DHRSX: variants seen among roughly 807,000 people sequenced by gnomAD.
DHRSX encodes the protein dehydrogenase/reductase X-linked.
DHRSX carries 31 observed loss-of-function variants against 34.0 expected under a neutral mutation model. That is an observed-to-expected ratio of 0.91 (90% CI 0.69 to 1.23). DHRSX has a LOEUF of 1.23. DHRSX is among the 50% of genes most tolerant of loss of function. The probability of loss-of-function intolerance (pLI) is 0.00; values close to 1 mark genes in which losing one functional copy is unlikely to be tolerated. For missense variants in DHRSX, 414 were observed against 428.1 expected, an observed-to-expected ratio of 0.97 and a Z score of 0.29; for synonymous variants, 201 against 183.8, an observed-to-expected ratio of 1.09 and a Z score of -0.76.
chrX:2,383,602 CA>C (rs1050309245), intron 3 of DHRSX, among the ~76,000 whole-genome samples: 35 of 152,284 alleles, frequency 2.3e-4, no homozygotes, highest in African/African-American at 8.2e-4. Flanking sequence ...CCACAATGCA[CA>C]AAATATTTTC....
intron 1 of DHRSX, among the ~76,000 whole-genome samples, chrX:2,432,169 G>A (rs2043934595): frequency 6.6e-6 from 1 of 151,980 alleles, no homozygotes; most frequent in Non-Finnish European, 1.5e-5. Context: ...ACTCCAGCCA[G>A]GGCGACAGAG....
chrX:2,489,603 CG>C (rs2045066665), intron 1 of DHRSX: 1 of 1,612,510 alleles, frequency 6.2e-7, no homozygotes, highest in South Asian at 1.1e-5. Flanking sequence ...ACCAAGACCC[CG>C]GCGATGACGA....
intron 3 of DHRSX, chrX:2,335,033 A>C (rs1044703925): frequency 6.6e-6 from 1 of 151,858 alleles, no homozygotes; most frequent in Non-Finnish European, 1.5e-5. Flanking sequence ...TGCAAAAAAA[A>C]CTTTAGCTGG....
intron 1 of DHRSX, among the ~76,000 whole-genome samples, chrX:2,498,627 A>G (rs2045340601): frequency 7.4e-6 from 1 of 135,858 alleles, no homozygotes; most frequent in African/African-American, 2.6e-5. Flanking sequence ...GTAAATGGGA[A>G]AAAAAAAAAA....
intron 3 of DHRSX, among the ~76,000 whole-genome samples, chrX:2,342,086 G>A (rs190898001): frequency 5.3e-4 from 81 of 152,214 alleles, no homozygotes; most frequent in Non-Finnish European, 1.0e-3. Context: ...GATTACAGGC[G>A]TGAGCCACCT....
Position 2,485,780 on chromosome X carries a change from A to AG in DHRSX, c.109+15036_109+15037insC, listed in dbSNP as rs779305404. ...GAAGGGAGAGAAGGAAGGAAGGGAG[A>AG]AAAGGGAGAGAAGGGAGAGAAGGAA... On this transcript the variant is annotated intron_variant, in intron 1 of 6. Coordinates refer to ENST00000334651, the MANE Select transcript of DHRSX (RefSeq NM_145177.3). Among the ~76,000 whole-genome samples the AG allele has an allele frequency of 1.4e-3, 25 of 18,150 alleles. No individual in the cohort carries two copies. The South Asian group carries it at 0.019, about 14-fold the overall frequency. 11.9% of individuals were successfully genotyped at this position (18,150 alleles called of 152,430 possible). A position where few individuals can be genotyped will look rare whatever the true frequency, so the allele number is the denominator to read the frequency against.
At chrX:2,425,504 T>TA (rs1355927376) in intron 1 of DHRSX, among the ~76,000 whole-genome samples, 200 bp from the exon 2 acceptor site, 2 of 152,166 alleles carry the variant, frequency 1.3e-5, no homozygotes, top group South Asian at 2.1e-4. Context: ...GACAGTGCAG[T>TA]AAAAAACCAC....
chrX:2,382,582 CCAT>C (rs1249288267), intron 3 of DHRSX, among the ~76,000 whole-genome samples: 17 of 19,824 alleles, frequency 8.6e-4, no homozygotes, highest in Non-Finnish European at 4.6e-4. Flanking sequence ...ATCACCATCA[CCAT>C]CATCATCACC....
chrX:2,271,367 G>A (rs1330200877), intron 4 of DHRSX, among the ~76,000 whole-genome samples: 1 of 152,194 alleles, frequency 6.6e-6, no homozygotes, highest in Non-Finnish European at 1.5e-5. Context: ...ACAGAGAATG[G>A]TGGCAGGGGA....
intron 3 of DHRSX, among the ~76,000 whole-genome samples, chrX:2,345,985 C>G (rs1019456420): frequency 3.3e-5 from 5 of 152,152 alleles, no homozygotes; most frequent in East Asian, 1.9e-4. Context: ...TATCTTGACT[C>G]AGACACACAG....
chrX:2,371,929 C>T (rs2043077644), intron 3 of DHRSX, among the ~76,000 whole-genome samples: 1 of 152,188 alleles, frequency 6.6e-6, no homozygotes. Context: ...TCCATATCTT[C>T]CCTGCCCCAG....
intron 1 of DHRSX, among the ~76,000 whole-genome samples, chrX:2,499,824 C>T (rs1479272463): frequency 6.6e-6 from 1 of 151,992 alleles, no homozygotes; most frequent in African/African-American, 2.4e-5. Flanking sequence ...GAAGGAAGAT[C>T]GCTTGAGCCC....
chrX:2,306,356 C>T (rs2042096508), intron 3 of DHRSX, among the ~76,000 whole-genome samples: 1 of 152,066 alleles, frequency 6.6e-6, no homozygotes. Flanking sequence ...AGGCAGAATG[C>T]TCACTGGGTG....
At chrX:2,386,623 G>C (rs1488125443) in intron 3 of DHRSX, among the ~76,000 whole-genome samples, 1 of 152,146 alleles carries the variant, frequency 6.6e-6, no homozygotes, top group African/African-American at 2.4e-5. Context: ...CATGAATTTA[G>C]CAAAATTCTA....
At chrX:2,326,510 G>A (rs1324302149) in intron 3 of DHRSX, among the ~76,000 whole-genome samples, 3 of 152,060 alleles carry the variant, frequency 2.0e-5, no homozygotes, top group Non-Finnish European at 1.5e-5. Flanking sequence ...GTGACAGAGC[G>A]AGACTCTGTC....
intron 1 of DHRSX, among the ~76,000 whole-genome samples, chrX:2,477,407 G>A (rs1455170369): frequency 6.6e-6 from 1 of 152,142 alleles, no homozygotes; most frequent in Admixed American, 6.5e-5. Context: ...ACTGTTACAG[G>A]GACAACATGT....
intron 3 of DHRSX, among the ~76,000 whole-genome samples, chrX:2,352,612 C>T (rs1177631682): frequency 6.6e-6 from 1 of 152,178 alleles, no homozygotes; most frequent in Non-Finnish European, 1.5e-5. Flanking sequence ...CAAGTGTCTG[C>T]AGGCGTAGCT....
chrX:2,360,868 G>C (rs180713805), intron 3 of DHRSX, among the ~76,000 whole-genome samples: 2 of 152,112 alleles, frequency 1.3e-5, no homozygotes, highest in East Asian at 1.9e-4. Flanking sequence ...GATATGTCAC[G>C]GTTGAATGAC....
intron 3 of DHRSX, among the ~76,000 whole-genome samples, chrX:2,373,140 A>G (rs1241089152): frequency 1.3e-5 from 2 of 152,136 alleles, no homozygotes; most frequent in East Asian, 1.9e-4. Flanking sequence ...GGGAACTTCC[A>G]TTTATAAAAC....
Sources: gnomAD v4.1 joint callset for allele counts (sites outside exome capture counted in the v4.1 genomes callset) on GRCh38, gnomAD v4.1.1 for gene constraint, MANE v1.5 for transcripts, NCBI Gene and HGNC (gene_info 2026-07-23, HGNC 2026-07-21) for gene names.